The following TLE7 variants were observed in gnomAD, a reference collection of about 807,000 sequenced individuals.
TLE7 encodes TLE family member 7.
intron 1 of TLE7, among the ~76,000 whole-genome samples, chr16:71,440,482 G>GA (rs35302768): frequency 4.6e-4 from 69 of 149,602 alleles, no homozygotes; most frequent in South Asian, 1.9e-3. Flanking sequence ...CGCCTCAAAA[G>GA]AAAAAAAAAA....
chr16:71,437,101 C>A lies in TLE7; in HGVS notation c.-96-3681G>T, dbSNP rs530960462. 3.9e-5 allele frequency among the ~76,000 whole-genome samples: 6 copies of A among 152,216 alleles called. No homozygotes were observed. In the East Asian group the frequency reaches 1.2e-3, roughly 29 times the overall value. On this transcript the variant is annotated intron_variant, in intron 1 of 9. Coordinates refer to ENST00000561754, the MANE Select transcript of TLE7 (RefSeq NM_001367365.2). ...TGGTGGTGCACGCCTGTAATCCCAG[C>A]ACTTTGGGAAGCCGAGGCAGGTGGA... is the stretch of plus-strand genomic sequence containing the variant.
chr16:71,438,669 G>A (rs1376613573), intron 1 of TLE7, among the ~76,000 whole-genome samples: 14 of 120,996 alleles, frequency 1.2e-4, no homozygotes, highest in Non-Finnish European at 1.8e-4. Flanking sequence ...GTATCAGGGT[G>A]AGACTCCATC....
chr16:71,433,047 G>C lies in TLE7; in HGVS notation c.278C>G (p.Ala93Gly). 5.0e-6 allele frequency: 2 copies of C among 398,774 alleles called. No homozygotes were observed. Among genetic ancestry groups the C allele is most frequent in the Non-Finnish European group, 8.8e-6 (2 of 226,174 alleles). The allele number at this position is 398,774 out of a possible 1,614,324, so 24.7% of individuals were successfully genotyped here. ...GGACTCTGCTGCTTCTCCTGGTTGT[G>C]CATCAGGGAGCCCAGCGGCCTGGAG... ...SELQAAGLPD[A>G]QPGEAAESSP... Residue 93 changes from alanine (A) to glycine (G), a missense_variant, in exon 2 of 10, where the codon GCA becomes GGA. Ala to Gly is a moderately conservative substitution (Grantham distance 60, BLOSUM62 0). Transcript: ENST00000561754.
chr16:71,437,527 G>C lies in TLE7; in HGVS notation c.-96-4107C>G, dbSNP rs547189072. Among the ~76,000 whole-genome samples, 21 of 150,704 alleles carry C rather than the reference G, an allele frequency of 1.4e-4. No individual in the cohort carries two copies. The South Asian group carries it at 3.6e-3, about 26-fold the overall frequency. On this transcript the variant is annotated intron_variant, in intron 1 of 9. Transcript: ENST00000561754. ...GTAGGCATGGGTGGGGCCCAAGACT[G>C]TGTTTCTAACAAGTTCCCGATGTGT...
At chr16:71,435,419 T>TAAATAAAATA (rs369669585) in intron 1 of TLE7, among the ~76,000 whole-genome samples, 4 of 151,722 alleles carry the variant, frequency 2.6e-5, no homozygotes, top group African/African-American at 7.3e-5. Context: ...TCAAAATAAA[T>TAAATAAAATA]AAATAAAATA....
chr16:71,440,162 A>G (rs1181491398), intron 1 of TLE7, among the ~76,000 whole-genome samples: 2 of 152,236 alleles, frequency 1.3e-5, no homozygotes, highest in Non-Finnish European at 2.9e-5. Flanking sequence ...GTCCTTAGAG[A>G]CAGAAAGCAG....
At chr16:71,441,617 GC>G (rs1313187713) in intron 1 of TLE7, among the ~76,000 whole-genome samples, 1 of 152,220 alleles carries the variant, frequency 6.6e-6, no homozygotes, top group Non-Finnish European at 1.5e-5. Flanking sequence ...GGTGCAGCGA[GC>G]GCGCCGGCCG....
chr16:71,441,430 GGCGCGGCGT>G (rs1567557199), intron 1 of TLE7, among the ~76,000 whole-genome samples: 1 of 152,246 alleles, frequency 6.6e-6, no homozygotes, highest in Non-Finnish European at 1.5e-5. Context: ...TGGCCTGCAG[GGCGCGGCGT>G]GCGCGGCCGG....
rs959284288 is a variant in TLE7 at position 71,432,686 on chromosome 16, G to A, written c.372C>T (p.Val124=). ...PYSSSSPSEE[V]LSLLRAIPPI... is the part of the protein sequence containing the mutation. Reference sequence around the variant, plus strand: ...TTACAATTGCTCTGAGCAATGAGAGGACTTCTTCACTGGGAGAGGAAGAAG... The same window carrying A: ...TTACAATTGCTCTGAGCAATGAGAGAACTTCTTCACTGGGAGAGGAAGAAG... Residue 124 remains valine (V), a synonymous_variant, in exon 4 of 10, where the codon GTC becomes GTT. Coordinates refer to ENST00000561754, the MANE Select transcript of TLE7 (RefSeq NM_001367365.2). The A allele has an allele frequency of 5.0e-6, 2 of 398,586 alleles. No individual in the cohort carries two copies. Among genetic ancestry groups the A allele is most frequent in the Non-Finnish European group, 8.8e-6 (2 of 226,132 alleles). 24.7% of individuals were successfully genotyped at this position (398,586 alleles called of 1,614,324 possible).
At chr16:71,435,675 C>A (rs769961277) in intron 1 of TLE7, among the ~76,000 whole-genome samples, 2 of 152,206 alleles carry the variant, frequency 1.3e-5, no homozygotes, top group Non-Finnish European at 2.9e-5. Context: ...TAACTCAGTA[C>A]CTTTTCTGCA....
Position 71,433,194 on chromosome 16 carries a change from C to T in TLE7, c.131G>A (p.Gly44Asp). The stretch of plus-strand genomic sequence containing the variant: ...CTGCCAGGGCACTCCCAACAGACTG[C>T]CCAGTTGCTGCTGCACTTGTGGCTC... Reference protein sequence around the residue: ...QPEPQVQQQLGSLLGVPWQPP... With the variant: ...QPEPQVQQQLDSLLGVPWQPP... The change falls in exon 2 of 10, where the codon GGC becomes GAC. Residue 44 changes from glycine (G) to aspartate (D), a missense_variant. By Grantham distance (94) the Gly-to-Asp change is moderately conservative. Transcript: ENST00000561754. The T allele has an allele frequency of 2.5e-6, 1 of 398,746 alleles. No homozygotes were observed. Among genetic ancestry groups the T allele is most frequent in the Non-Finnish European group, 4.4e-6 (1 of 226,162 alleles). The allele number at this position is 398,746 out of a possible 1,614,324, so 24.7% of individuals were successfully genotyped here.
At position 71,431,612 on chromosome 16, in the gene TLE7, C is replaced by A. The variant is rs777674027; in HGVS notation, c.852-50G>T. 2 of 400,440 alleles carry A rather than the reference C, an allele frequency of 5.0e-6. No individual in the cohort carries two copies. The highest frequency in any genetic ancestry group is 1.3e-4 in the South Asian group (1 of 7,852). 24.8% of individuals were successfully genotyped at this position (400,440 alleles called of 1,614,324 possible). On this transcript the variant is annotated intron_variant, in intron 6 of 9. Coordinates refer to ENST00000561754, the MANE Select transcript of TLE7 (RefSeq NM_001367365.2). This position sits in a 1 kb window ranked among gnomAD's most constrained non-coding sequence, Gnocchi z 4.5. ...AGGGTCACTGAATGGTTTGGGCCCC[C>A]GGGAAGTTTCAGGGTCAGGAAGCCC...
chr16:71,440,313 G>A (rs1365149035), intron 1 of TLE7, among the ~76,000 whole-genome samples: 2 of 152,104 alleles, frequency 1.3e-5, no homozygotes, highest in Non-Finnish European at 2.9e-5. Flanking sequence ...CTAATGCCAC[G>A]GAATTGTACA....
intron 1 of TLE7, among the ~76,000 whole-genome samples, chr16:71,436,222 G>C (rs1417699663): frequency 2.0e-5 from 3 of 152,118 alleles, no homozygotes; most frequent in Non-Finnish European, 1.5e-5. Flanking sequence ...ACCCAGCCAG[G>C]CATAAGAATC....
intron 4 of TLE7, 25 bp downstream of exon 4, chr16:71,432,640 C>T (rs1020365607): frequency 5.0e-6 from 2 of 398,598 alleles, no homozygotes; most frequent in African/African-American, 4.1e-5. Flanking sequence ...AAGGAAGGAT[C>T]CTGAGTATGA....
Position 71,431,051 on chromosome 16 carries a change from A to G in TLE7, c.1147+70T>C. Reference sequence around the variant, plus strand: ...GAGCCAGAAAAGGAAAGGGGGGTGAACAGAGAAAGAAGAGACGACAGCAAG... The same window carrying G: ...GAGCCAGAAAAGGAAAGGGGGGTGAGCAGAGAAAGAAGAGACGACAGCAAG... On this transcript the variant is annotated intron_variant, in intron 8 of 9. Coordinates refer to ENST00000561754, the MANE Select transcript of TLE7 (RefSeq NM_001367365.2). The surrounding 1 kb of genome is among the most constrained non-coding windows in gnomAD (Gnocchi z 4.5). 2.5e-6 allele frequency: 1 copy of G among 400,460 alleles called. No homozygotes were observed. Among genetic ancestry groups the G allele is most frequent in the Non-Finnish European group, 4.4e-6 (1 of 226,220 alleles). 24.8% of individuals were successfully genotyped at this position (400,460 alleles called of 1,614,324 possible). A position where few individuals can be genotyped will look rare whatever the true frequency, so the allele number is the denominator to read the frequency against.
At chr16:71,441,119 A>G (rs1395707236) in intron 1 of TLE7, among the ~76,000 whole-genome samples, 1 of 152,018 alleles carries the variant, frequency 6.6e-6, no homozygotes, top group African/African-American at 2.4e-5. Context: ...CCTGTTACCA[A>G]AGCCCCCTGC....
chr16:71,431,471 A>C lies in TLE7; in HGVS notation c.943T>G (p.Trp315Gly). The change falls in exon 7 of 10, where the codon TGG (tryptophan) becomes GGG (glycine). Residue 315 changes from tryptophan to glycine, a missense_variant. By Grantham distance (184) the Trp-to-Gly change is radical. Coordinates refer to ENST00000561754, the MANE Select transcript of TLE7 (RefSeq NM_001367365.2). This position sits in a 1 kb window ranked among gnomAD's most constrained non-coding sequence, Gnocchi z 4.5. ...AGCCTCTGGTAGCTCCTCAGGTCCC[A>C]GGAATACAGGATGGTGTCTTCACCT... ...TGGEDTILYS[W>G]DLRSYQRLHQ... is the part of the protein sequence containing the mutation. 7.5e-6 allele frequency: 3 copies of C among 400,832 alleles called. No individual in the cohort carries two copies. The highest frequency in any genetic ancestry group is 1.3e-5 in the Non-Finnish European group (3 of 226,258). 24.8% of individuals were successfully genotyped at this position (400,832 alleles called of 1,614,324 possible). A position where few individuals can be genotyped will look rare whatever the true frequency, so the allele number is the denominator to read the frequency against.
At chr16:71,440,841 C>T (rs1000537780) in intron 1 of TLE7, among the ~76,000 whole-genome samples, 8 of 152,216 alleles carry the variant, frequency 5.3e-5, no homozygotes, top group African/African-American at 1.9e-4. Flanking sequence ...CGCCCTCTGG[C>T]GGGCACCTGG....
Sources: gnomAD v4.1 joint callset for allele counts (sites outside exome capture counted in the v4.1 genomes callset) on GRCh38, gnomAD v4.1.1 for gene constraint, Gnocchi (gnomAD v3.1) non-coding constraint, MANE v1.5 for transcripts, NCBI Gene and HGNC (gene_info 2026-07-23, HGNC 2026-07-21) for gene names.